Variants in MCM10 observed in about 807,000 individuals in gnomAD.
The protein encoded by MCM10 is minichromosome maintenance 10 replication initiation factor.
Under a neutral mutation model 109.9 loss-of-function variants are expected in MCM10, and 91 were observed. The observed-to-expected ratio is 0.83, with a 90% CI of 0.70 to 0.99. The LOEUF is 0.99. Among genes scored for constraint, MCM10 ranks in the 50% least tolerant of loss-of-function variants. The pLI is 0.00. For missense variants in MCM10, 1,077 were observed against 1,061.2 expected, an observed-to-expected ratio of 1.01 and a Z score of -0.21; for synonymous variants, 380 against 387.2, an observed-to-expected ratio of 0.98 and a Z score of 0.22.
At chr10:13,208,609 CT>C (rs1254690464) in intron 18 of MCM10, among the ~76,000 whole-genome samples, 4 of 149,296 alleles carry the variant, frequency 2.7e-5, no homozygotes, top group African/African-American at 9.8e-5. Context: ...TGAGTAAAGG[CT>C]TTTGGGTTAT....
intron 18 of MCM10, among the ~76,000 whole-genome samples, chr10:13,206,798 CT>C (rs5783314): frequency 4.8e-4 from 70 of 144,514 alleles, no homozygotes; most frequent in Middle Eastern, 3.5e-3. Flanking sequence ...TTGTCAGTTG[CT>C]TTTTTTTTTT....
At chr10:13,171,829 A>G (rs755923244) in intron 3 of MCM10, among the ~76,000 whole-genome samples, 22 of 151,940 alleles carry the variant, frequency 1.4e-4, no homozygotes, top group Non-Finnish European at 2.5e-4. Flanking sequence ...CAGTGGTGCA[A>G]TCTTGGCTCA....
chr10:13,165,542 GTATC>G (rs1833984512), intron 2 of MCM10, among the ~76,000 whole-genome samples: 1 of 152,142 alleles, frequency 6.6e-6, no homozygotes, highest in African/African-American at 2.4e-5. Context: ...AGAAATCATA[GTATC>G]TATCTGGAAA....
chr10:13,187,376 A>T (rs748755834), intron 9 of MCM10, among the ~76,000 whole-genome samples: 1 of 152,210 alleles, frequency 6.6e-6, no homozygotes, highest in Non-Finnish European at 1.5e-5. Context: ...TTATTCTTTC[A>T]TCAGTTGATA....
intron 9 of MCM10, 65 bp downstream of exon 9, chr10:13,186,345 G>T: frequency 9.0e-7 from 1 of 1,115,594 alleles, no homozygotes; most frequent in Admixed American, 1.8e-5. Flanking sequence ...TAAACTGTTG[G>T]TGCTTTAGCT....
intron 6 of MCM10, among the ~76,000 whole-genome samples, chr10:13,176,802 GA>G (rs1223002046): frequency 6.6e-6 from 1 of 152,152 alleles, no homozygotes; most frequent in Non-Finnish European, 1.5e-5. Flanking sequence ...GCTGAGGCAG[GA>G]AGTTCGCTTG....
intron 5 of MCM10, among the ~76,000 whole-genome samples, chr10:13,174,991 G>T (rs1319365226): frequency 6.6e-6 from 1 of 152,166 alleles, no homozygotes; most frequent in Non-Finnish European, 1.5e-5. Flanking sequence ...AGCCGGACGT[G>T]GTGGCGCATG....
At chr10:13,165,205 A>G (rs994550530) in intron 2 of MCM10, among the ~76,000 whole-genome samples, 1 of 152,208 alleles carries the variant, frequency 6.6e-6, no homozygotes, top group Non-Finnish European at 1.5e-5. Context: ...AGAGATGAAC[A>G]ACAATAATAA....
At chr10:13,198,622 G>A (rs1834454115) in intron 15 of MCM10, 67 bp from the exon 16 acceptor site, 3 of 1,016,194 alleles carry the variant, frequency 3.0e-6, no homozygotes, top group Non-Finnish European at 4.7e-6. Flanking sequence ...AGGGAGTAGA[G>A]TTGATGAGGC....
At chr10:13,200,960 C>T (rs1834490251) in intron 16 of MCM10, among the ~76,000 whole-genome samples, 1 of 152,154 alleles carries the variant, frequency 6.6e-6, no homozygotes, top group African/African-American at 2.4e-5. Flanking sequence ...GCCTAGCCAA[C>T]AGGGTGAAAC....
At chr10:13,204,476 T>C (rs1834543405) in intron 18 of MCM10, 112 bp downstream of exon 18, 1 of 1,344,024 alleles carries the variant, frequency 7.4e-7, no homozygotes. Flanking sequence ...TGCCTTCCTA[T>C]AGCTCCAGGC....
In MCM10 at chr10:13,186,177, T is replaced by C. The variant is rs374749777; in HGVS notation, c.1112T>C (p.Ile371Thr). 26 of 1,608,932 alleles carry C rather than the reference T, an allele frequency of 1.6e-5. No homozygotes were observed. In the African/African-American group the frequency reaches 2.4e-4, roughly 15 times the overall value. Reference sequence around the variant, plus strand: ...CTTTTCTTACAGGTGTGTTTATCTATCGATCATCCTCAGAAGGTCTTAATT... The same window carrying C: ...CTTTTCTTACAGGTGTGTTTATCTACCGATCATCCTCAGAAGGTCTTAATT... ...KDGSEEVCLSIDHPQKVLIMG... is the reference protein window; with the variant it reads ...KDGSEEVCLSTDHPQKVLIMG... Residue 371 changes from isoleucine to threonine, a missense_variant, in exon 9 of 20, where the codon ATC (isoleucine) becomes ACC (threonine). Transcript: ENST00000378714.
intron 6 of MCM10, among the ~76,000 whole-genome samples, chr10:13,179,412 G>T (rs1834181125): frequency 1.3e-5 from 2 of 152,138 alleles, no homozygotes; most frequent in Non-Finnish European, 2.9e-5. Flanking sequence ...CTTGGGGTCG[G>T]GGGGAGCCTA....
At chr10:13,173,930 A>G (rs1392972748) in intron 5 of MCM10, among the ~76,000 whole-genome samples, 3 of 152,116 alleles carry the variant, frequency 2.0e-5, no homozygotes, top group Non-Finnish European at 2.9e-5. Context: ...AGAGAGAGTG[A>G]TATTTTATTA....
At chr10:13,200,757 G>A (rs2131586842) in intron 16 of MCM10, among the ~76,000 whole-genome samples, 1 of 152,368 alleles carries the variant, frequency 6.6e-6, no homozygotes, top group Middle Eastern at 3.4e-3. Flanking sequence ...TGTGGAGTCT[G>A]TATTAGAACA....
chr10:13,179,471 A>G (rs1405036532), intron 6 of MCM10, among the ~76,000 whole-genome samples: 1 of 152,160 alleles, frequency 6.6e-6, no homozygotes, highest in African/African-American at 2.4e-5. Flanking sequence ...TTTCCCACTG[A>G]AGTCAGTGTT....
chr10:13,177,815 G>A (rs980717440), intron 6 of MCM10, among the ~76,000 whole-genome samples: 21 of 148,432 alleles, frequency 1.4e-4, no homozygotes, highest in Admixed American at 1.4e-3. Context: ...GTGCCACTGC[G>A]CTCCATCCTG....
intron 2 of MCM10, among the ~76,000 whole-genome samples, chr10:13,166,688 A>ATATATATATATATATATATATG (rs1435674336): frequency 1.8e-4 from 24 of 135,928 alleles, no homozygotes; most frequent in African/African-American, 6.6e-4. Context: ...ATATATATAT[A>ATATATATATATATATATATATG]TCATCAGCTA....
In MCM10 at chr10:13,183,074, A is replaced by C; in HGVS notation, c.1072A>C (p.Met358Leu). 6.2e-7 allele frequency: 1 copy of C among 1,614,084 alleles called. No homozygotes were observed. Among genetic ancestry groups the C allele is most frequent in the Non-Finnish European group, 8.5e-7 (1 of 1,179,994 alleles). Residue 358 changes from methionine (M) to leucine (L), a missense_variant, in exon 8 of 20, where the codon ATG becomes CTG. Transcript: ENST00000378714. Reference sequence around the variant, plus strand: ...CGTAGGGATCCTCAATGCCAACCCCATGAAGCCCAAGGATGGTTCAGAGGA... The same window carrying C: ...CGTAGGGATCCTCAATGCCAACCCCCTGAAGCCCAAGGATGGTTCAGAGGA... ...TVVGILNANP[M>L]KPKDGSEEVC...
Sources: allele counts gnomAD v4.1 joint callset (sites outside exome capture counted in the v4.1 genomes callset), GRCh38; gene constraint gnomAD v4.1.1; transcripts MANE v1.5; gene names NCBI Gene and HGNC (gene_info 2026-07-23, HGNC 2026-07-21).